PEX1: variants seen among roughly 807,000 people sequenced by gnomAD.
The protein encoded by PEX1 is peroxisomal biogenesis factor 1.
In PEX1, 97 loss-of-function variants were observed where a neutral mutation model predicts 152.5. The observed-to-expected ratio is 0.64, with a 90% confidence interval of 0.54 to 0.75. The LOEUF (loss-of-function observed/expected upper bound fraction) is 0.75, where lower values mean the gene tolerates loss of function less well. Ranked by LOEUF, PEX1 falls within the 30% of genes least tolerant of loss-of-function variation. The probability of loss-of-function intolerance (pLI) is 0.00; values close to 1 mark genes in which losing one functional copy is unlikely to be tolerated. For synonymous variants in PEX1, 485 were observed against 531.6 expected (o/e 0.91, Z 1.21); for missense variants, 1,357 against 1,516.3 (o/e 0.89, Z 1.74).
chr7:92,520,331 T>C (rs1792994148), intron 2 of PEX1, among the ~76,000 whole-genome samples: 1 of 152,216 alleles, frequency 6.6e-6, no homozygotes, highest in African/African-American at 2.4e-5. Context: ...CGTCTGGTGC[T>C]AAAATTTTAA....
At chr7:92,509,471 T>G in intron 8 of PEX1, 60 bp from the exon 9 acceptor site, 1 of 1,246,232 alleles carries the variant, frequency 8.0e-7, no homozygotes, top group South Asian at 1.2e-5. Context: ...CATGTTTTTC[T>G]CGGGTCCCAG....
At chr7:92,524,212 C>T (rs1378957614) in intron 1 of PEX1, among the ~76,000 whole-genome samples, 1 of 151,558 alleles carries the variant, frequency 6.6e-6, no homozygotes, top group South Asian at 2.1e-4. Context: ...CTCAGTCTCT[C>T]AAAGTGCTGG....
intron 16 of PEX1, among the ~76,000 whole-genome samples, chr7:92,497,366 A>T (rs1243317351): frequency 6.6e-6 from 1 of 152,138 alleles, no homozygotes; most frequent in Non-Finnish European, 1.5e-5. Flanking sequence ...TAGAGATATG[A>T]CTTTAATCAG....
chr7:92,517,987 A>C lies in PEX1; in HGVS notation c.528T>G (p.Leu176=). Residue 176 remains leucine (L), a synonymous_variant, in exon 5 of 24, where the codon CTT becomes CTG. Transcript: ENST00000248633. ...TGGCTCGGCGTGTCTTTGGCTGAAT[A>C]AGGAGTTTGGTGTCAGTTTCCAGCC... is the stretch of plus-strand genomic sequence containing the variant. The part of the protein sequence containing the change: ...YGRLETDTKL[L]IQPKTRRAKE... 1 of 1,613,772 alleles carries C rather than the reference A, an allele frequency of 6.2e-7. No homozygotes were observed. Among genetic ancestry groups the C allele is most frequent in the Non-Finnish European group, 8.5e-7 (1 of 1,179,902 alleles).
Position 92,489,667 on chromosome 7 carries a change from A to C in PEX1, c.3636+47T>G. On this transcript the variant is annotated intron_variant, in intron 22 of 23. Coordinates refer to ENST00000248633, the MANE Select transcript of PEX1 (RefSeq NM_000466.3). ...AAATATATATCAAAAGGGTGAAACAATTTTTAAGAAGTTTTAACAATTATA... is the reference window on the plus strand; with the variant it reads ...AAATATATATCAAAAGGGTGAAACACTTTTTAAGAAGTTTTAACAATTATA... The C allele has an allele frequency of 2.6e-6, 4 of 1,547,730 alleles. No homozygotes were observed. The Middle Eastern group carries it at 5.0e-4, about 195-fold the overall frequency.
intron 20 of PEX1, 39 bp downstream of exon 20, chr7:92,492,914 A>T: frequency 6.7e-7 from 1 of 1,495,148 alleles, no homozygotes; most frequent in Non-Finnish European, 9.3e-7. Flanking sequence ...TTCTTTTATC[A>T]CTCATAAAAT....
intron 3 of PEX1, 94 bp from the exon 4 acceptor site, chr7:92,518,349 A>AT: frequency 1.3e-6 from 1 of 786,874 alleles, no homozygotes; most frequent in Non-Finnish European, 2.2e-6. Flanking sequence ...TAAAAAACAA[A>AT]TTTTAATGTG....
At chr7:92,513,720 A>G in intron 6 of PEX1, 128 bp downstream of exon 6, 1 of 679,962 alleles carries the variant, frequency 1.5e-6, no homozygotes, top group Non-Finnish European at 2.5e-6. Flanking sequence ...TGTTATATAT[A>G]GTTTAACACA....
chr7:92,528,352 G>A lies in PEX1; in HGVS notation c.84C>T (p.Phe28=), dbSNP rs1263087011. Reference sequence around the variant, plus strand: ...CCACGAGACGCCGCGGCAGGTGGAGGAAGCAGTCGCGAGCGTTGGTGAAGG... The same window carrying A: ...CCACGAGACGCCGCGGCAGGTGGAGAAAGCAGTCGCGAGCGTTGGTGAAGG... The part of the protein sequence containing the change: ...TVAFTNARDC[F]LHLPRRLVAQ... The change falls in exon 1 of 24, where the codon TTC becomes TTT. Residue 28 remains phenylalanine (F), a synonymous_variant. Coordinates refer to ENST00000248633, the MANE Select transcript of PEX1 (RefSeq NM_000466.3). The A allele has an allele frequency of 3.8e-6, 6 of 1,580,032 alleles. No individual in the cohort carries two copies. The highest frequency in any genetic ancestry group is 4.3e-6 in the Non-Finnish European group (5 of 1,165,052).
chr7:92,528,502 G>A lies in PEX1; in HGVS notation c.-67C>T. 4.0e-6 allele frequency: 6 copies of A among 1,487,692 alleles called. No homozygotes were observed. The East Asian group carries it at 7.5e-5, about 19-fold the overall frequency. The allele number at this position is 1,487,692 out of a possible 1,614,324, so 92.2% of individuals were successfully genotyped here. A position where few individuals can be genotyped will look rare whatever the true frequency, so the allele number is the denominator to read the frequency against. On this transcript the variant is annotated 5_prime_UTR_variant, in exon 1 of 24. Transcript: ENST00000248633. ...CAAAGGACCCGGGACCCGGCAGGCC[G>A]AGGACGTCGGAGCCGGAGGAGATCG...
intron 6 of PEX1, 35 bp from the exon 7 acceptor site, chr7:92,511,738 A>T: frequency 6.3e-7 from 1 of 1,593,686 alleles, no homozygotes. Context: ...AATTATCCTC[A>T]TATCTGAACT....
In PEX1 at chr7:92,499,848, A is replaced by G. The variant is rs375129444; in HGVS notation, c.2584-10T>C. 3.6e-5 allele frequency: 1 copy of G among 27,668 alleles called. No individual in the cohort carries two copies. The highest frequency in any genetic ancestry group is 1.0e-3 in the East Asian group (1 of 968). 1.7% of individuals were successfully genotyped at this position (27,668 alleles called of 1,614,324 possible). On this transcript the variant is annotated splice_polypyrimidine_tract_variant and intron_variant, in intron 15 of 23. Coordinates refer to ENST00000248633, the MANE Select transcript of PEX1 (RefSeq NM_000466.3). The stretch of plus-strand genomic sequence containing the variant: ...CAAATAATTCTGGATACTGAGAAAC[A>G]AAAAAAAAAAATATGAAAAAGAGCT...
At chr7:92,518,926 A>G (rs1792928682) in intron 3 of PEX1, 69 bp downstream of exon 3, 2 of 1,101,128 alleles carry the variant, frequency 1.8e-6, no homozygotes, top group Admixed American at 3.4e-5. Context: ...GCTTAGAGAA[A>G]GCTAAAGACA....
rs1351589482 is a variant in PEX1 at position 92,498,994 on chromosome 7, A to AT, written c.2718+709dup. On this transcript the variant is annotated intron_variant, in intron 16 of 23. Transcript: ENST00000248633. Reference sequence around the variant, plus strand: ...CAAGAGAGAGGTGGCTCATTACTCAATTTCATACAACTTTTAATAGATGGA... The same window carrying AT: ...CAAGAGAGAGGTGGCTCATTACTCAATTTTCATACAACTTTTAATAGATGGA... Among the ~76,000 whole-genome samples, 3 of 152,298 alleles carry AT rather than the reference A, an allele frequency of 2.0e-5. No individual in the cohort carries two copies. In the East Asian group the frequency reaches 5.8e-4, roughly 29 times the overall value.
intron 23 of PEX1, 50 bp downstream of exon 23, chr7:92,489,243 A>G (rs758670883): frequency 3.3e-6 from 5 of 1,515,594 alleles, no homozygotes; most frequent in South Asian, 2.3e-5. Flanking sequence ...GTGTAATACT[A>G]TGTCACTTGT....
chr7:92,506,241 C>T lies in PEX1; in HGVS notation c.1900+7G>A, dbSNP rs1474660103. 24 of 1,481,990 alleles carry T rather than the reference C, an allele frequency of 1.6e-5. No homozygotes were observed. Among genetic ancestry groups the T allele is most frequent in the South Asian group, 2.3e-5 (2 of 88,394 alleles). 91.8% of individuals were successfully genotyped at this position (1,481,990 alleles called of 1,614,324 possible). ...GGGATTTATATAGAGTGTTACCATA[C>T]TCATACCTCGTAAAGCTTTACAGTC... On this transcript the variant is annotated splice_region_variant and intron_variant, in intron 11 of 23. Coordinates refer to ENST00000248633, the MANE Select transcript of PEX1 (RefSeq NM_000466.3).
In PEX1 at chr7:92,494,619, C is replaced by T. The variant is rs758215792; in HGVS notation, c.2794G>A (p.Ala932Thr). The T allele has an allele frequency of 6.2e-6, 10 of 1,613,782 alleles. No individual in the cohort carries two copies. The highest frequency in any genetic ancestry group is 8.5e-6 in the Non-Finnish European group (10 of 1,179,870). Residue 932 changes from alanine to threonine, a missense_variant, in exon 18 of 24, where the codon GCA becomes ACA. Coordinates refer to ENST00000248633, the MANE Select transcript of PEX1 (RefSeq NM_000466.3). ...TCAAAGAAAAGAATGCAGGGCTTTG[C>T]AGCCTGTGCTCTGGGAAAAACAAAC... ...VRDIFIRAQA[A>T]KPCILFFDEF...
At position 92,507,253 on chromosome 7, in the gene PEX1, T is replaced by C. The variant is rs1289539182; in HGVS notation, c.1671-127A>G. On this transcript the variant is annotated intron_variant, in intron 9 of 23. Transcript: ENST00000248633. ...TTAATTTAATTTTTTATCTTTTTTT[T>C]TTTGAGAAAGGGGCTTGCTGTGTCA... The C allele has an allele frequency of 7.3e-6, 6 of 817,934 alleles. No individual in the cohort carries two copies. The Admixed American group carries it at 7.9e-5, about 11-fold the overall frequency. 50.7% of individuals were successfully genotyped at this position (817,934 alleles called of 1,614,324 possible). A position where few individuals can be genotyped will look rare whatever the true frequency, so the allele number is the denominator to read the frequency against.
chr7:92,518,636 C>T (rs969804040), intron 3 of PEX1, among the ~76,000 whole-genome samples: 8 of 152,176 alleles, frequency 5.3e-5, no homozygotes, highest in African/African-American at 1.9e-4. Flanking sequence ...ATGGCAAGAT[C>T]CTGACTCACT....
Sources: gnomAD v4.1 joint callset for allele counts (sites outside exome capture counted in the v4.1 genomes callset) on GRCh38, gnomAD v4.1.1 for gene constraint, MANE v1.5 for transcripts, NCBI Gene and HGNC (gene_info 2026-07-23, HGNC 2026-07-21) for gene names.